Variants in DOCK1 observed in about 807,000 individuals in gnomAD.
The protein encoded by DOCK1 is dedicator of cytokinesis 1.
DOCK1 carries 138 observed loss-of-function variants against 262.7 expected under a neutral mutation model. The observed-to-expected ratio is 0.53, with a 90% CI of 0.46 to 0.61. DOCK1 has a LOEUF of 0.61. DOCK1 is among the 20% of genes least tolerant of loss of function. DOCK1 has a pLI of 0.00. For missense variants in DOCK1, 1,908 were observed against 2,370.7 expected (o/e 0.80, Z 4.05); for synonymous variants, 866 against 867.4 (o/e 1.00, Z 0.03).
In DOCK1 at chr10:127,125,569, C is replaced by A. The variant is rs1416712859; in HGVS notation, c.2719C>A (p.His907Asn). 1.1e-5 allele frequency: 17 copies of A among 1,613,858 alleles called. No individual in the cohort carries two copies. The highest frequency in any genetic ancestry group is 1.3e-5 in the African/African-American group (1 of 75,012). ...DLEACCQLLS[H>N]ILEVLYRKDV... ...GGAGGCCTGCTGTCAGCTGCTCAGC[C>A]ACATCCTGGAGGTGCTGTACAGGAA... Residue 907 changes from histidine (H) to asparagine (N), a missense_variant, in exon 26 of 52, where the codon CAC becomes AAC. This residue lies in a region of DOCK1 where 518 missense variants were observed against 575.1 expected (regional missense o/e 0.90). Transcript: ENST00000623213.
At chr10:126,986,290 C>G (rs2039377597) in intron 4 of DOCK1, among the ~76,000 whole-genome samples, 1 of 152,048 alleles carries the variant, frequency 6.6e-6, no homozygotes, top group Non-Finnish European at 1.5e-5. Context: ...CCTCCACTGT[C>G]AATAAGTCAT....
At chr10:127,429,950 G>A (rs1342348583) in intron 47 of DOCK1, among the ~76,000 whole-genome samples, 4 of 152,218 alleles carry the variant, frequency 2.6e-5, no homozygotes, top group Non-Finnish European at 5.9e-5. Flanking sequence ...CTTCAAGTCC[G>A]ATTAGGAGCA....
chr10:126,924,412 C>A lies in DOCK1; in HGVS notation c.46+18849C>A, dbSNP rs542984632. 3.0e-5 allele frequency among the ~76,000 whole-genome samples: 4 copies of A among 131,168 alleles called. No individual in the cohort carries two copies. The East Asian group carries it at 6.9e-4, about 23-fold the overall frequency. 86.1% of individuals were successfully genotyped at this position (131,168 alleles called of 152,430 possible). On this transcript the variant is annotated intron_variant, in intron 1 of 51. Transcript: ENST00000623213. Reference sequence around the variant, plus strand: ...TAGGGGGAGGCTGTGAGTGCTGGAACTCAGTAGGGGGAGGCTGTGAGTGCT... The same window carrying A: ...TAGGGGGAGGCTGTGAGTGCTGGAAATCAGTAGGGGGAGGCTGTGAGTGCT...
chr10:127,292,805 C>A (rs974506409), intron 29 of DOCK1, among the ~76,000 whole-genome samples: 1 of 152,190 alleles, frequency 6.6e-6, no homozygotes, highest in Admixed American at 6.5e-5. Context: ...TTGTGCTTCC[C>A]GAGGAAAACC....
At chr10:127,048,070 T>G (rs2044463979) in intron 21 of DOCK1, among the ~76,000 whole-genome samples, 1 of 152,204 alleles carries the variant, frequency 6.6e-6, no homozygotes, top group African/African-American at 2.4e-5. Flanking sequence ...TGTATAGTTT[T>G]CTTTGTAAGA....
chr10:126,918,987 G>GCACAGAGGATTTGGAGGAGGAGAA (rs2032884278), intron 1 of DOCK1, among the ~76,000 whole-genome samples: 1 of 106,042 alleles, frequency 9.4e-6, no homozygotes, highest in African/African-American at 3.2e-5. Context: ...AGCCGAGAGG[G>GCACAGAGGATTTGGAGGAGGAGAA]AGTGTGGGGG....
Position 127,286,858 on chromosome 10 carries a change from CT to C in DOCK1, c.3044+29436del, listed in dbSNP as rs994873150. 1.6e-4 allele frequency among the ~76,000 whole-genome samples: 24 copies of C among 150,456 alleles called. 1 individual carries two copies. The highest frequency in any genetic ancestry group is 5.9e-4 in the African/African-American group (24 of 40,804). ...GATAATCTTTAGGTTGACACCCCTA[CT>C]TTTTTTCTTTTTTTTTTTCTTTTTG... On this transcript the variant is annotated intron_variant, in intron 29 of 51. Transcript: ENST00000623213.
At chr10:126,927,092 C>G (rs1201970838) in intron 1 of DOCK1, among the ~76,000 whole-genome samples, 1 of 152,164 alleles carries the variant, frequency 6.6e-6, no homozygotes, top group African/African-American at 2.4e-5. Flanking sequence ...TGTCTTATCT[C>G]CAGTCATTGA....
In DOCK1 at chr10:127,394,352, T is replaced by TAAAAAAAAA. The variant is rs34284692; in HGVS notation, c.3928-8693_3928-8685dup. On this transcript the variant is annotated intron_variant, in intron 38 of 51. Transcript: ENST00000623213. ...GTTCACACTTTGCCTTGCACCAATGTAAAAAAAAAAAAAAAAAAGCGTTTT... is the reference window on the plus strand; with the variant it reads ...GTTCACACTTTGCCTTGCACCAATGTAAAAAAAAAAAAAAAAAAAAAAAAAAAGCGTTTT... Among the ~76,000 whole-genome samples the TAAAAAAAAA allele has an allele frequency of 1.5e-5, 2 of 133,074 alleles. 1 individual carries two copies. Among genetic ancestry groups the TAAAAAAAAA allele is most frequent in the African/African-American group, 5.7e-5 (2 of 35,254 alleles). The allele number at this position is 133,074 out of a possible 152,430, so 87.3% of individuals were successfully genotyped here.
Position 127,094,531 on chromosome 10 carries a change from G to A in DOCK1, c.2446-11700G>A, listed in dbSNP as rs534793695. 1.6e-3 allele frequency among the ~76,000 whole-genome samples: 247 copies of A among 152,264 alleles called. 3 individuals carry two copies. The highest frequency in any genetic ancestry group is 5.6e-3 in the African/African-American group (232 of 41,554). On this transcript the variant is annotated intron_variant, in intron 23 of 51. Transcript: ENST00000623213. ...GGCAGTGAGTCTGAGTATTGGTAGG[G>A]TGGGCTAGAGCCTGGGACAGCGAGG...
At chr10:127,128,518 G>T (rs1263005355) in intron 27 of DOCK1, among the ~76,000 whole-genome samples, 2 of 151,742 alleles carry the variant, frequency 1.3e-5, no homozygotes, top group Non-Finnish European at 2.9e-5. Flanking sequence ...TTCGGTATTT[G>T]TCCTAATGCT....
chr10:127,067,291 G>A (rs1157362670), intron 23 of DOCK1, among the ~76,000 whole-genome samples: 4 of 152,156 alleles, frequency 2.6e-5, no homozygotes, highest in African/African-American at 4.8e-5. Flanking sequence ...TTGGGGCTTT[G>A]CAGTCAGTTC....
intron 25 of DOCK1, among the ~76,000 whole-genome samples, chr10:127,118,021 A>G (rs906078566): frequency 1.3e-5 from 2 of 152,298 alleles, no homozygotes; most frequent in Admixed American, 1.3e-4. Context: ...GTTTTGACAT[A>G]TGTATTTTAT....
chr10:127,427,811 G>T, intron 47 of DOCK1, among the ~76,000 whole-genome samples: 1 of 152,222 alleles, frequency 6.6e-6, no homozygotes, highest in East Asian at 1.9e-4. Context: ...GGGCATGACC[G>T]AACCTTGGTG....
chr10:126,940,473 G>A lies in DOCK1; in HGVS notation c.47-30229G>A, dbSNP rs1010210093. The stretch of plus-strand genomic sequence containing the variant: ...GGCTGGAGTGTAGTGGTATAATCTC[G>A]GCTCACTGCAACCTCTGCCTCCCGG... On this transcript the variant is annotated intron_variant, in intron 1 of 51. Transcript: ENST00000623213. Among the ~76,000 whole-genome samples the A allele has an allele frequency of 2.1e-3, 321 of 152,186 alleles. 1 individual carries two copies. The highest frequency in any genetic ancestry group is 3.5e-3 in the Non-Finnish European group (239 of 68,004).
At chr10:126,926,651 G>A (rs1198946495) in intron 1 of DOCK1, among the ~76,000 whole-genome samples, 1 of 152,196 alleles carries the variant, frequency 6.6e-6, no homozygotes, top group African/African-American at 2.4e-5. Context: ...ACTGGATTAA[G>A]GTGGGCGTTT....
chr10:127,335,790 T>C (rs1236595734), intron 29 of DOCK1, among the ~76,000 whole-genome samples: 1 of 149,860 alleles, frequency 6.7e-6, no homozygotes, highest in Non-Finnish European at 1.5e-5. Context: ...TCTCGGCTCA[T>C]TGCAAGCTCC....
intron 27 of DOCK1, among the ~76,000 whole-genome samples, chr10:127,180,844 G>A (rs1167527): frequency 1 from 152,141 of 152,372 alleles, 75,955 homozygotes; most frequent in Non-Finnish European, 1. Context: ...GCAGTCTACA[G>A]ATTATACTGG....
chr10:127,140,353 T>G (rs535393949), intron 27 of DOCK1, among the ~76,000 whole-genome samples: 1 of 152,192 alleles, frequency 6.6e-6, no homozygotes, highest in Non-Finnish European at 1.5e-5. Flanking sequence ...CCTGGGAATC[T>G]GCAACCAGAG....
Sources: allele counts gnomAD v4.1 joint callset (sites outside exome capture counted in the v4.1 genomes callset), GRCh38; gene constraint gnomAD v4.1.1; regional missense constraint gnomAD v4.1.1; transcripts MANE v1.5; gene names NCBI Gene and HGNC (gene_info 2026-07-23, HGNC 2026-07-21).